Variants in SMTNL2 observed in about 807,000 individuals in gnomAD.
SMTNL2 encodes the protein smoothelin like 2.
A neutral mutation model predicts 44.1 loss-of-function variants in SMTNL2; 43 were observed. That is an observed-to-expected ratio of 0.98 (90% CI 0.76 to 1.26). SMTNL2 has a LOEUF of 1.26. Among genes scored for constraint, SMTNL2 ranks in the 50% most tolerant of loss-of-function variants. The pLI is 0.00. For synonymous variants in SMTNL2, 317 were observed against 287.6 expected (o/e 1.10, Z -1.03); for missense variants, 646 against 670.2 (o/e 0.96, Z 0.40).
upstream of SMTNL2, chr17:4,584,521 G>C (rs1470644774): frequency 5.0e-6 from 6 of 1,203,520 alleles, no homozygotes; most frequent in South Asian, 2.1e-4. Flanking sequence ...AGCCAGCCAC[G>C]GACGGCCAGT....
intron 7 of SMTNL2, among the ~76,000 whole-genome samples, chr17:4,603,543 G>T (rs551184046): frequency 6.6e-6 from 1 of 152,228 alleles, no homozygotes; most frequent in Non-Finnish European, 1.5e-5. Flanking sequence ...ACAAGCTGAG[G>T]CAGGGCCTTT....
In SMTNL2 at chr17:4,607,557, C is replaced by T. The variant is rs1490422171; in HGVS notation, c.*70C>T. On this transcript the variant is annotated 3_prime_UTR_variant, in exon 8 of 8. Coordinates refer to ENST00000389313, the MANE Select transcript of SMTNL2 (RefSeq NM_001114974.2). This position sits in a 1 kb window ranked among gnomAD's most constrained non-coding sequence, Gnocchi z 4.7. ...CGGGGGTCCGCTTGCGATTCCCCAG[C>T]CAGGATGCCCCCAGGAGCCTTGCCG... is the stretch of plus-strand genomic sequence containing the variant. The T allele has an allele frequency of 9.7e-5, 154 of 1,580,448 alleles. No individual in the cohort carries two copies. Among genetic ancestry groups the T allele is most frequent in the Non-Finnish European group, 1.3e-4 (149 of 1,159,502 alleles).
Position 4,584,555 on chromosome 17 carries a change from G to C in SMTNL2, c.-51G>C. On this transcript the variant is annotated 5_prime_UTR_variant, in exon 1 of 8. Coordinates refer to ENST00000389313, the MANE Select transcript of SMTNL2 (RefSeq NM_001114974.2). ...GTCGCGGCCCGGAGCTGCGGAGCTC[G>C]GATCTTCTCCCCCGTCTGGCCCGCT... is the stretch of plus-strand genomic sequence containing the variant. The C allele has an allele frequency of 8.2e-7, 1 of 1,215,454 alleles. No homozygotes were observed. The highest frequency in any genetic ancestry group is 1.0e-6 in the Non-Finnish European group (1 of 977,226). 75.3% of individuals were successfully genotyped at this position (1,215,454 alleles called of 1,614,324 possible). A position where few individuals can be genotyped will look rare whatever the true frequency, so the allele number is the denominator to read the frequency against.
In SMTNL2 at chr17:4,607,677, T is replaced by A; in HGVS notation, c.*190T>A. 1 of 908,720 alleles carries A rather than the reference T, an allele frequency of 1.1e-6. No individual in the cohort carries two copies. 56.3% of individuals were successfully genotyped at this position (908,720 alleles called of 1,614,324 possible). A position where few individuals can be genotyped will look rare whatever the true frequency, so the allele number is the denominator to read the frequency against. ...GATTAAAAGTACTGCTGAGCTGTGG[T>A]CCGACAGCACTGATCACAGCCAAGG... On this transcript the variant is annotated 3_prime_UTR_variant, in exon 8 of 8. Transcript: ENST00000389313. The surrounding 1 kb of genome is among the most constrained non-coding windows in gnomAD (Gnocchi z 4.7).
chr17:4,607,595 G>A lies in SMTNL2; in HGVS notation c.*108G>A, dbSNP rs377149657. ...AGGAGCCTTGCCGTTTGGTGTGAGC[G>A]CGCTGTTTGTTCTGTGGCATGTGAC... On this transcript the variant is annotated 3_prime_UTR_variant, in exon 8 of 8. Transcript: ENST00000389313. The surrounding 1 kb of genome is among the most constrained non-coding windows in gnomAD (Gnocchi z 4.7). The A allele has an allele frequency of 6.8e-5, 103 of 1,516,550 alleles. 1 individual carries two copies. The highest frequency in any genetic ancestry group is 6.4e-4 in the East Asian group (28 of 43,900). The allele number at this position is 1,516,550 out of a possible 1,614,324, so 93.9% of individuals were successfully genotyped here.
chr17:4,589,745 G>C (rs1909490150), intron 1 of SMTNL2, among the ~76,000 whole-genome samples: 1 of 151,882 alleles, frequency 6.6e-6, no homozygotes, highest in Admixed American at 6.6e-5. Flanking sequence ...CTTCGCTCAG[G>C]GCTAAAGTTA....
intron 7 of SMTNL2, among the ~76,000 whole-genome samples, chr17:4,597,971 C>A (rs573904898): frequency 6.6e-6 from 1 of 152,048 alleles, no homozygotes; most frequent in Non-Finnish European, 1.5e-5. Context: ...AGGGCTCCAG[C>A]GGCGGACGGG....
At position 4,603,827 on chromosome 17, in the gene SMTNL2, A is replaced by G. The variant is rs1040293518; in HGVS notation, c.1260-3534A>G. Among the ~76,000 whole-genome samples, 5 of 152,058 alleles carry G rather than the reference A, an allele frequency of 3.3e-5. No homozygotes were observed. In the Middle Eastern group the frequency reaches 0.014, roughly 414 times the overall value. ...GAACTCAGGTCCCCAGCCTCTCTGA[A>G]CTCAGATTTTCTTTTCTTTCCTTTT... On this transcript the variant is annotated intron_variant, in intron 7 of 7. Transcript: ENST00000389313.
Position 4,600,572 on chromosome 17 carries a change from C to A in SMTNL2, c.1259+3249C>A, listed in dbSNP as rs1909988843. ...TGGTGTGTGCTGCCCTTCCCCAACC[C>A]CCACCTGATAATTTATGGTCCCAGA... On this transcript the variant is annotated intron_variant, in intron 7 of 7. Transcript: ENST00000389313. This position sits in a 1 kb window ranked among gnomAD's most constrained non-coding sequence, Gnocchi z 4.7. 6.6e-6 allele frequency among the ~76,000 whole-genome samples: 1 copy of A among 152,130 alleles called. No homozygotes were observed. The highest frequency in any genetic ancestry group is 1.5e-5 in the Non-Finnish European group (1 of 68,040).
chr17:4,592,830 T>C lies in SMTNL2; in HGVS notation c.488-99T>C, dbSNP rs1366480409. 3 of 1,483,626 alleles carry C rather than the reference T, an allele frequency of 2.0e-6. No homozygotes were observed. The highest frequency in any genetic ancestry group is 1.8e-4 in the Middle Eastern group (1 of 5,564). 91.9% of individuals were successfully genotyped at this position (1,483,626 alleles called of 1,614,324 possible). The stretch of plus-strand genomic sequence containing the variant: ...GTCAGGGAGGCCTTCCTAGAGGAGG[T>C]GGGAGGAGGGCCCAGGGAGGCTAGA... On this transcript the variant is annotated intron_variant, in intron 2 of 7. Transcript: ENST00000389313. This position sits in a 1 kb window ranked among gnomAD's most constrained non-coding sequence, Gnocchi z 4.5.
In SMTNL2 at chr17:4,607,569, C is replaced by A. The variant is rs1910332963; in HGVS notation, c.*82C>A. 1.9e-6 allele frequency: 3 copies of A among 1,564,086 alleles called. No homozygotes were observed. The South Asian group carries it at 3.5e-5, about 18-fold the overall frequency. ...TGCGATTCCCCAGCCAGGATGCCCC[C>A]AGGAGCCTTGCCGTTTGGTGTGAGC... On this transcript the variant is annotated 3_prime_UTR_variant, in exon 8 of 8. Transcript: ENST00000389313. The surrounding 1 kb of genome is among the most constrained non-coding windows in gnomAD (Gnocchi z 4.7).
At chr17:4,588,741 C>T (rs2150518843) in intron 1 of SMTNL2, among the ~76,000 whole-genome samples, 1 of 152,322 alleles carries the variant, frequency 6.6e-6, no homozygotes, top group South Asian at 2.1e-4. Context: ...TGACCCAGGT[C>T]CTGGAAGACA....
rs780984262 is a variant in SMTNL2, at chr17:4,589,938, CTTTTTTTTTTTTTTTTTTTTTTTTTTTT to C, written c.400-2404_400-2377del. Among the ~76,000 whole-genome samples the C allele has an allele frequency of 8.0e-4, 48 of 59,870 alleles. 3 individuals are homozygous for C. In the East Asian group the frequency reaches 0.023, roughly 29 times the overall value. 39.3% of individuals were successfully genotyped at this position (59,870 alleles called of 152,430 possible). ...CCAGGCTGCCTTTGGACGCACCTGG[CTTTTTTTTTTTTTTTTTTTTTTTTTTTT>C]TTTTTTTTTTTTTTTTTTGAGACAG... On this transcript the variant is annotated intron_variant, in intron 1 of 7. Coordinates refer to ENST00000389313, the MANE Select transcript of SMTNL2 (RefSeq NM_001114974.2).
intron 1 of SMTNL2, among the ~76,000 whole-genome samples, chr17:4,587,507 G>GGTGA (rs1363759057): frequency 6.6e-6 from 1 of 152,174 alleles, no homozygotes; most frequent in East Asian, 1.9e-4. Flanking sequence ...CGGGGCTCAG[G>GGTGA]GTGAGACTGG....
At chr17:4,587,766 C>T (rs1341662382) in intron 1 of SMTNL2, among the ~76,000 whole-genome samples, 1 of 152,176 alleles carries the variant, frequency 6.6e-6, no homozygotes, top group East Asian at 1.9e-4. Flanking sequence ...AGATTGTCTC[C>T]AATATATAAA....
intron 1 of SMTNL2, among the ~76,000 whole-genome samples, chr17:4,586,638 A>G (rs1909356972): frequency 6.6e-6 from 1 of 152,172 alleles, no homozygotes; most frequent in Non-Finnish European, 1.5e-5. Context: ...GATGAAGCTC[A>G]GGATGAGGGT....
At chr17:4,601,182 G>A (rs1466372989) in intron 7 of SMTNL2, among the ~76,000 whole-genome samples, 4 of 152,364 alleles carry the variant, frequency 2.6e-5, no homozygotes, top group South Asian at 2.1e-4. Context: ...GGGAGGCCAA[G>A]GCAGGTGGAT....
At position 4,607,910 on chromosome 17, in the gene SMTNL2, G is replaced by A. The variant is rs912737298; in HGVS notation, c.*423G>A. The A allele has an allele frequency of 1.3e-4, 20 of 153,942 alleles. No individual in the cohort carries two copies. Among genetic ancestry groups the A allele is most frequent in the East Asian group, 1.9e-4 (1 of 5,236 alleles). The allele number at this position is 153,942 out of a possible 1,614,324, so 9.5% of individuals were successfully genotyped here. On this transcript the variant is annotated 3_prime_UTR_variant, in exon 8 of 8. Coordinates refer to ENST00000389313, the MANE Select transcript of SMTNL2 (RefSeq NM_001114974.2). The surrounding 1 kb of genome is among the most constrained non-coding windows in gnomAD (Gnocchi z 4.7). ...TACCCAGAGTTTTTTACTTCCTCAC[G>A]CGATTGTAGGTTCCTCTCCTCCCTC...
chr17:4,585,615 A>C (rs1909316070), intron 1 of SMTNL2, among the ~76,000 whole-genome samples: 1 of 152,230 alleles, frequency 6.6e-6, no homozygotes, highest in African/African-American at 2.4e-5. Context: ...TCCTCGGGTC[A>C]GTGACTAGCC....
Sources: allele counts gnomAD v4.1 joint callset (sites outside exome capture counted in the v4.1 genomes callset), GRCh38; gene constraint gnomAD v4.1.1; non-coding constraint Gnocchi (gnomAD v3.1); transcripts MANE v1.5; gene names NCBI Gene and HGNC (gene_info 2026-07-23, HGNC 2026-07-21).